SGCG: variants seen among roughly 807,000 people sequenced by gnomAD.
SGCG encodes the protein sarcoglycan gamma.
In SGCG, 26 loss-of-function variants were observed where a neutral mutation model predicts 29.3. The ratio of observed to expected loss-of-function variants is 0.89; its 90% CI spans 0.65 to 1.23. The LOEUF is 1.23. Ranked by LOEUF, SGCG falls within the 50% of genes most tolerant of loss-of-function variation. The probability of loss-of-function intolerance (pLI) is 0.00; values close to 1 mark genes in which losing one functional copy is unlikely to be tolerated. For missense variants in SGCG, 353 were observed against 356.0 expected, an observed-to-expected ratio of 0.99 and a Z score of 0.07; for synonymous variants, 145 against 129.7, an observed-to-expected ratio of 1.12 and a Z score of -0.80.
intron 5 of SGCG, among the ~76,000 whole-genome samples, chr13:23,286,229 A>G (rs1881491238): frequency 6.6e-6 from 1 of 152,264 alleles, no homozygotes; most frequent in Admixed American, 6.5e-5. Flanking sequence ...ACAGGACAGT[A>G]TACAGAATTC....
chr13:23,270,716 T>A (rs541750041), intron 4 of SGCG, among the ~76,000 whole-genome samples: 2 of 152,254 alleles, frequency 1.3e-5, no homozygotes, highest in Non-Finnish European at 2.9e-5. Flanking sequence ...AGAATCTTTT[T>A]TTCATTGCCT....
chr13:23,251,204 A>G (rs950784349), intron 4 of SGCG, among the ~76,000 whole-genome samples: 2 of 152,158 alleles, frequency 1.3e-5, no homozygotes, highest in African/African-American at 2.4e-5. Flanking sequence ...TACAGAACCT[A>G]TAGGGCCTCC....
At chr13:23,313,536 CAT>C (rs1882685393) in intron 6 of SGCG, among the ~76,000 whole-genome samples, 1 of 152,140 alleles carries the variant, frequency 6.6e-6, no homozygotes, top group African/African-American at 2.4e-5. Context: ...TTTGACTGTT[CAT>C]AGTCTATAAA....
intron 3 of SGCG, among the ~76,000 whole-genome samples, chr13:23,236,631 T>C (rs9578557): frequency 0.3 from 44,815 of 151,860 alleles, 6,833 homozygotes; most frequent in African/African-American, 0.38. Context: ...TGAGCCGAGA[T>C]CATGCCACTG....
At chr13:23,297,047 G>C (rs912346612) in intron 6 of SGCG, among the ~76,000 whole-genome samples, 1 of 152,022 alleles carries the variant, frequency 6.6e-6, no homozygotes, top group African/African-American at 2.4e-5. Flanking sequence ...GGTACAGTAG[G>C]AATCCCAGCT....
At chr13:23,214,627 G>A (rs1242731022) in intron 2 of SGCG, among the ~76,000 whole-genome samples, 1 of 152,114 alleles carries the variant, frequency 6.6e-6, no homozygotes, top group East Asian at 1.9e-4. Flanking sequence ...CCTATCCCCT[G>A]CTGTTCTCCT....
chr13:23,205,439 C>A (rs937519560), intron 2 of SGCG, among the ~76,000 whole-genome samples: 3 of 152,228 alleles, frequency 2.0e-5, no homozygotes, highest in East Asian at 3.9e-4. Context: ...GAGGCAGTGT[C>A]CTGGGTAGGA....
At chr13:23,322,711 C>A (rs1883081069) in intron 7 of SGCG, among the ~76,000 whole-genome samples, 1 of 151,518 alleles carries the variant, frequency 6.6e-6, no homozygotes, top group Non-Finnish European at 1.5e-5. Flanking sequence ...AGCTCCTCCC[C>A]AGCCCAGGCC....
the SGCG span, among the ~76,000 whole-genome samples, chr13:23,162,391 G>C: frequency 6.6e-6 from 1 of 152,172 alleles, no homozygotes; most frequent in Non-Finnish European, 1.5e-5. Context: ...GAGGTGGGCG[G>C]ATCACGAGGT....
At chr13:23,223,298 A>T (rs1878754425) in intron 2 of SGCG, among the ~76,000 whole-genome samples, 1 of 146,758 alleles carries the variant, frequency 6.8e-6, no homozygotes, top group Admixed American at 6.8e-5. Context: ...AAAAAAAAAA[A>T]GAGTACAAAT....
intron 1 of SGCG, among the ~76,000 whole-genome samples, chr13:23,185,948 T>C (rs564425518): frequency 2.0e-5 from 3 of 152,356 alleles, no homozygotes; most frequent in African/African-American, 7.2e-5. Context: ...GTTTACCTAA[T>C]TTGGGAACAG....
chr13:23,320,812 G>C lies in SGCG; in HGVS notation c.702+52G>C, dbSNP rs1423177085. The stretch of plus-strand genomic sequence containing the variant: ...TACTGTATGTCCTGATGATATTCCT[G>C]AGTACCATGTCTGTAAAGCTATCAG... On this transcript the variant is annotated intron_variant, in intron 7 of 7. Coordinates refer to ENST00000218867, the MANE Select transcript of SGCG (RefSeq NM_000231.3). The C allele has an allele frequency of 2.6e-6, 4 of 1,565,078 alleles. No homozygotes were observed. The African/African-American group carries it at 5.4e-5, about 21-fold the overall frequency.
intron 4 of SGCG, among the ~76,000 whole-genome samples, chr13:23,273,083 T>A (rs1486658422): frequency 6.6e-6 from 1 of 152,202 alleles, no homozygotes; most frequent in Non-Finnish European, 1.5e-5. Flanking sequence ...ACTGTTTTCT[T>A]CCTTGTTAAT....
intron 4 of SGCG, among the ~76,000 whole-genome samples, chr13:23,257,165 C>A (rs1486847734): frequency 1.3e-5 from 2 of 152,110 alleles, no homozygotes; most frequent in Admixed American, 1.3e-4. Context: ...CTGTTAGCTG[C>A]AAAAATGTCT....
At chr13:23,297,893 C>T (rs1156228773) in intron 6 of SGCG, among the ~76,000 whole-genome samples, 1 of 151,368 alleles carries the variant, frequency 6.6e-6, no homozygotes, top group Non-Finnish European at 1.5e-5. Context: ...TACAGGTGCC[C>T]ACGACCACAC....
intron 4 of SGCG, among the ~76,000 whole-genome samples, chr13:23,263,084 T>C (rs1880505680): frequency 6.6e-6 from 1 of 151,092 alleles, no homozygotes; most frequent in Non-Finnish European, 1.5e-5. Context: ...ACATCACACC[T>C]CAAGGAACTA....
chr13:23,262,014 A>C (rs1025405408), intron 4 of SGCG, among the ~76,000 whole-genome samples: 2 of 152,116 alleles, frequency 1.3e-5, no homozygotes, highest in Non-Finnish European at 2.9e-5. Context: ...AGGAATTCTA[A>C]ATGTTGAACA....
At position 23,235,377 on chromosome 13, in the gene SGCG, CA is replaced by C. The variant is rs139839030; in HGVS notation, c.297+677del. Among the ~76,000 whole-genome samples, 1,297 of 135,894 alleles carry C rather than the reference CA, an allele frequency of 9.5e-3. 9 individuals carry two copies. Among genetic ancestry groups the C allele is most frequent in the Non-Finnish European group, 0.012 (773 of 62,344 alleles). 89.2% of individuals were successfully genotyped at this position (135,894 alleles called of 152,430 possible). A position where few individuals can be genotyped will look rare whatever the true frequency, so the allele number is the denominator to read the frequency against. ...TCCATCTCAAAAAAAGAAGAAAAAA[CA>C]AAAAAAAAAAAGAAAGAAATTTGTT... On this transcript the variant is annotated intron_variant, in intron 3 of 7. Transcript: ENST00000218867.
chr13:23,215,035 G>A (rs1878374158), intron 2 of SGCG, among the ~76,000 whole-genome samples: 1 of 151,996 alleles, frequency 6.6e-6, no homozygotes, highest in African/African-American at 2.4e-5. Flanking sequence ...TTTATCCCAG[G>A]GATATGCCTT....
Sources: gnomAD v4.1 joint callset for allele counts (sites outside exome capture counted in the v4.1 genomes callset) on GRCh38, gnomAD v4.1.1 for gene constraint, MANE v1.5 for transcripts, NCBI Gene and HGNC (gene_info 2026-07-23, HGNC 2026-07-21) for gene names.